The following MLPH variants were observed in gnomAD, a reference collection of about 807,000 sequenced individuals.
The protein encoded by MLPH is exophilin-3.
MLPH carries 51 observed loss-of-function variants against 72.1 expected under a neutral mutation model. That is an observed-to-expected ratio of 0.71 (90% CI 0.56 to 0.89). The LOEUF (loss-of-function observed/expected upper bound fraction) is 0.89. MLPH is among the 40% of genes least tolerant of loss of function. The probability of loss-of-function intolerance (pLI) is 0.00; values close to 1 mark genes in which losing one functional copy is unlikely to be tolerated. For synonymous variants in MLPH, 301 were observed against 310.1 expected (o/e 0.97, Z 0.31); for missense variants, 743 against 759.9 (o/e 0.98, Z 0.26).
At chr2:237,495,211 G>A (rs531138110) in intron 2 of MLPH, among the ~76,000 whole-genome samples, 2 of 152,290 alleles carry the variant, frequency 1.3e-5, no homozygotes, top group South Asian at 4.2e-4. Flanking sequence ...TTTCCCCTAT[G>A]AGGAGAAATA....
intron 12 of MLPH, chr2:237,545,368 C>T (rs1024974444): frequency 8.6e-5 from 93 of 1,079,420 alleles, no homozygotes; most frequent in East Asian, 2.4e-4. Flanking sequence ...CGTGAACATC[C>T]GGCCTGAGTT....
intron 1 of MLPH, among the ~76,000 whole-genome samples, chr2:237,490,152 A>G (rs2079400127): frequency 6.6e-6 from 1 of 152,128 alleles, no homozygotes; most frequent in Non-Finnish European, 1.5e-5. Context: ...CCCCCAGCAC[A>G]TACTCTGGGA....
At chr2:237,552,565 CA>C (rs2081060789) in intron 15 of MLPH, 128 bp downstream of exon 15, 1 of 784,340 alleles carries the variant, frequency 1.3e-6, no homozygotes, top group Non-Finnish European at 2.1e-6. Flanking sequence ...ACCTGAGAAT[CA>C]AAGCAAAAAG....
chr2:237,518,551 T>G lies in MLPH; in HGVS notation c.458T>G (p.Leu153Arg). Residue 153 changes from leucine to arginine, a missense_variant, in exon 5 of 16, where the codon CTG (leucine) becomes CGG (arginine). Coordinates refer to ENST00000264605, the MANE Select transcript of MLPH (RefSeq NM_024101.7). ...GRLQGGAGPE[L>R]ISEERSGDSD... ...GTATCTATTGCAGCTGGGCCTGAAC[T>G]GATATCTGAAGAGAGAAGTGGAGAC... The G allele has an allele frequency of 1.2e-6, 2 of 1,612,824 alleles. No homozygotes were observed. The highest frequency in any genetic ancestry group is 1.7e-6 in the Non-Finnish European group (2 of 1,179,344).
At position 237,554,840 on chromosome 2, in the gene MLPH, C is replaced by T. The variant is rs945555471; in HGVS notation, c.*1248C>T. The T allele has an allele frequency of 2.6e-5, 4 of 152,232 alleles. No homozygotes were observed. The highest frequency in any genetic ancestry group is 9.6e-5 in the African/African-American group (4 of 41,458). The allele number at this position is 152,232 out of a possible 1,614,324, so 9.4% of individuals were successfully genotyped here. A position where few individuals can be genotyped will look rare whatever the true frequency, so the allele number is the denominator to read the frequency against. On this transcript the variant is annotated 3_prime_UTR_variant, in exon 16 of 16. Transcript: ENST00000264605. ...TGAATCTCAAAGTGTTGCTGGGAGG[C>T]TGATACTCCTGCAACTTCAGGAGAC...
At position 237,546,624 on chromosome 2, in the gene MLPH, G is replaced by T. The variant is rs764964175; in HGVS notation, c.1558G>T (p.Ala520Ser). Residue 520 changes from alanine to serine, a missense_variant, in exon 13 of 16, where the codon GCT (alanine) becomes TCT (serine). Coordinates refer to ENST00000264605, the MANE Select transcript of MLPH (RefSeq NM_024101.7). ...SNLPIFLPRV[A>S]GKLGKRPEDP... ...CCTCCAGATATTTCTCCCTCGAGTG[G>T]CTGGGAAACTTGGCAAGAGACCAGA... 1.2e-5 allele frequency: 19 copies of T among 1,614,024 alleles called. No individual in the cohort carries two copies. The African/African-American group carries it at 2.5e-4, about 22-fold the overall frequency.
chr2:237,513,341 G>T (rs1414280218), intron 4 of MLPH, among the ~76,000 whole-genome samples: 1 of 152,136 alleles, frequency 6.6e-6, no homozygotes, highest in Non-Finnish European at 1.5e-5. Context: ...CCCTGGACTG[G>T]TCGCTGGGCA....
intron 4 of MLPH, among the ~76,000 whole-genome samples, chr2:237,513,552 T>A (rs1428118390): frequency 2.0e-5 from 3 of 152,158 alleles, no homozygotes; most frequent in African/African-American, 7.2e-5. Context: ...TCTTTTGGAA[T>A]TTTTTTGGTT....
At chr2:237,498,534 G>A (rs1391153695) in intron 2 of MLPH, among the ~76,000 whole-genome samples, 9 of 152,318 alleles carry the variant, frequency 5.9e-5, no homozygotes, top group East Asian at 1.9e-4. Flanking sequence ...CCCAAGCCAC[G>A]GAAGCTCCTG....
chr2:237,506,452 C>T lies in MLPH; in HGVS notation c.111-4122C>T, dbSNP rs562636130. On this transcript the variant is annotated intron_variant, in intron 2 of 15. Coordinates refer to ENST00000264605, the MANE Select transcript of MLPH (RefSeq NM_024101.7). Reference sequence around the variant, plus strand: ...TCAGCTGGGAGCATCGGCAGACTCACGTCTCCAAAAACCAAGTTCCTCGAG... The same window carrying T: ...TCAGCTGGGAGCATCGGCAGACTCATGTCTCCAAAAACCAAGTTCCTCGAG... Among the ~76,000 whole-genome samples, 27 of 152,296 alleles carry T rather than the reference C, an allele frequency of 1.8e-4. No individual in the cohort carries two copies. In the East Asian group the frequency reaches 2.3e-3, roughly 13 times the overall value.
intron 14 of MLPH, 70 bp from the exon 15 acceptor site, chr2:237,552,267 G>T: frequency 6.1e-6 from 8 of 1,316,392 alleles, no homozygotes; most frequent in Non-Finnish European, 8.8e-6. Context: ...TTTCTGAGGA[G>T]GCCAAGGCAC....
intron 1 of MLPH, among the ~76,000 whole-genome samples, chr2:237,487,672 G>A (rs1271101186): frequency 6.6e-6 from 1 of 152,236 alleles, no homozygotes; most frequent in African/African-American, 2.4e-5. Context: ...GTGCAGGCAC[G>A]GGTGGGAGTG....
intron 6 of MLPH, among the ~76,000 whole-genome samples, chr2:237,524,351 C>T (rs909224109): frequency 1.1e-4 from 15 of 139,904 alleles, no homozygotes; most frequent in East Asian, 8.3e-4. Context: ...TTAACTTACA[C>T]GATCACGAGT....
chr2:237,549,977 G>A (rs2080999666), intron 14 of MLPH, among the ~76,000 whole-genome samples: 2 of 152,240 alleles, frequency 1.3e-5, no homozygotes, highest in Non-Finnish European at 2.9e-5. Flanking sequence ...CCTGCAGAAT[G>A]AAGTGGGATT....
intron 15 of MLPH, 73 bp downstream of exon 15, chr2:237,552,510 G>A: frequency 7.8e-7 from 1 of 1,280,166 alleles, no homozygotes; most frequent in Non-Finnish European, 1.1e-6. Context: ...TTAAAATTAA[G>A]TCTTCAGAGC....
chr2:237,542,365 C>T (rs1245527332), intron 11 of MLPH, among the ~76,000 whole-genome samples: 1 of 152,164 alleles, frequency 6.6e-6, no homozygotes, highest in Non-Finnish European at 1.5e-5. Flanking sequence ...AGGAACACCC[C>T]CCCCTTCTCA....
At chr2:237,522,910 G>A (rs940097536) in intron 6 of MLPH, among the ~76,000 whole-genome samples, 3 of 152,186 alleles carry the variant, frequency 2.0e-5, no homozygotes, top group African/African-American at 7.2e-5. Context: ...TGCTGTATTA[G>A]CATCTGCTCG....
chr2:237,493,925 C>G (rs1010727943), intron 2 of MLPH, among the ~76,000 whole-genome samples: 11 of 152,192 alleles, frequency 7.2e-5, no homozygotes, highest in Non-Finnish European at 1.3e-4. Context: ...CCTTCCACCT[C>G]TCTTTTCAGC....
chr2:237,538,971 G>C (rs1182861837), intron 9 of MLPH, among the ~76,000 whole-genome samples: 1 of 152,248 alleles, frequency 6.6e-6, no homozygotes, highest in Admixed American at 6.5e-5. Context: ...CTAAGGTCAA[G>C]TGTTGCAGCC....
Sources: gnomAD v4.1 joint callset for allele counts (sites outside exome capture counted in the v4.1 genomes callset) on GRCh38, gnomAD v4.1.1 for gene constraint, MANE v1.5 for transcripts, NCBI Gene and HGNC (gene_info 2026-07-23, HGNC 2026-07-21) for gene names.